The following PPTC7 variants were observed in gnomAD, a reference collection of about 807,000 sequenced individuals.
PPTC7 encodes protein phosphatase PTC7 homolog.
In PPTC7, 6 loss-of-function variants were observed where a neutral mutation model predicts 30.8. That is an observed-to-expected ratio of 0.19 (90% confidence interval 0.11 to 0.38). The LOEUF is 0.38. PPTC7 is among the 10% of genes least tolerant of loss of function. PPTC7 has a pLI of 1.00. For synonymous variants in PPTC7, 163 were observed against 168.1 expected (o/e 0.97, Z 0.23); for missense variants, 218 against 404.8 (o/e 0.54, Z 3.96).
chr12:110,572,965 C>T (rs769397141), intron 1 of PPTC7, among the ~76,000 whole-genome samples: 10 of 152,134 alleles, frequency 6.6e-5, no homozygotes, highest in African/African-American at 1.7e-4. Context: ...CCGCAACCTC[C>T]GCCTCCCGGG....
Position 110,545,967 on chromosome 12 carries a change from C to T in PPTC7, c.515G>A (p.Arg172Gln), listed in dbSNP as rs1345218423. 3.7e-6 allele frequency: 6 copies of T among 1,614,064 alleles called. No individual in the cohort carries two copies. The highest frequency in any genetic ancestry group is 2.2e-5 in the South Asian group (2 of 91,080). The change falls in exon 3 of 6, where the codon CGA becomes CAA. Residue 172 changes from arginine to glutamine, a missense_variant. By Grantham distance (43) the Arg-to-Gln change is conservative. Transcript: ENST00000354300. ...LVVRGGEVVH[R>Q]SDEQQHYFNT... is the part of the protein sequence containing the mutation. ...GAAGTAATGCTGCTGCTCATCTGAT[C>T]GGTGCACGACTTCACCACCCCTGAC...
At chr12:110,573,309 A>G (rs2064555497) in intron 1 of PPTC7, among the ~76,000 whole-genome samples, 1 of 152,242 alleles carries the variant, frequency 6.6e-6, no homozygotes, top group Admixed American at 6.5e-5. Flanking sequence ...TATTTATAAC[A>G]GAAAATTGGA....
chr12:110,538,615 C>G (rs1010887973), intron 4 of PPTC7, among the ~76,000 whole-genome samples: 2 of 152,210 alleles, frequency 1.3e-5, no homozygotes, highest in African/African-American at 4.8e-5. Context: ...GGAACACAGC[C>G]TGGCCAACCC....
At chr12:110,551,438 C>T (rs190505664) in intron 2 of PPTC7, among the ~76,000 whole-genome samples, 7 of 152,302 alleles carry the variant, frequency 4.6e-5, no homozygotes, top group South Asian at 2.1e-4. Flanking sequence ...ATCCACCTCC[C>T]GGGGTTCAAG....
intron 1 of PPTC7, among the ~76,000 whole-genome samples, chr12:110,558,583 T>C (rs368441380): frequency 2.5e-4 from 38 of 152,382 alleles, no homozygotes; most frequent in African/African-American, 8.9e-4. Context: ...GAGCAAAAGA[T>C]TGAGAAGAGA....
At chr12:110,578,287 A>C (rs1222499674) in intron 1 of PPTC7, among the ~76,000 whole-genome samples, 3 of 152,206 alleles carry the variant, frequency 2.0e-5, no homozygotes, top group Non-Finnish European at 4.4e-5. Context: ...GCACCTAGGA[A>C]GCCATGCCAC....
At chr12:110,558,904 G>T (rs2064412508) in intron 1 of PPTC7, among the ~76,000 whole-genome samples, 1 of 152,048 alleles carries the variant, frequency 6.6e-6, no homozygotes, top group Non-Finnish European at 1.5e-5. Flanking sequence ...CCGTGCCCAG[G>T]CTAGTTTTAT....
At chr12:110,537,918 C>A (rs571141856) in intron 5 of PPTC7, among the ~76,000 whole-genome samples, 1 of 152,312 alleles carries the variant, frequency 6.6e-6, no homozygotes, top group South Asian at 2.1e-4. Flanking sequence ...TCAGGTTCCA[C>A]CTGCCTCTGC....
intron 1 of PPTC7, among the ~76,000 whole-genome samples, chr12:110,578,643 G>C (rs1199599361): frequency 2.0e-5 from 3 of 152,174 alleles, no homozygotes; most frequent in Admixed American, 1.3e-4. Context: ...CAGTCAAGGA[G>C]TCCTAGATGA....
At chr12:110,556,078 C>T (rs773683235) in intron 1 of PPTC7, among the ~76,000 whole-genome samples, 3 of 152,216 alleles carry the variant, frequency 2.0e-5, no homozygotes, top group African/African-American at 4.8e-5. Flanking sequence ...TCTAAGATAA[C>T]GTTTAGAGTT....
At chr12:110,542,015 G>A (rs748356363) in intron 3 of PPTC7, among the ~76,000 whole-genome samples, 3 of 151,500 alleles carry the variant, frequency 2.0e-5, no homozygotes, top group Non-Finnish European at 4.4e-5. Flanking sequence ...GCATGGTGGC[G>A]TGCGCCTATA....
chr12:110,564,456 T>A (rs1473339348), intron 1 of PPTC7, among the ~76,000 whole-genome samples: 1 of 152,196 alleles, frequency 6.6e-6, no homozygotes, highest in African/African-American at 2.4e-5. Context: ...GAGAAGATTT[T>A]CCTTCTGTTT....
intron 1 of PPTC7, among the ~76,000 whole-genome samples, chr12:110,581,293 A>G (rs2064635125): frequency 6.6e-6 from 1 of 152,120 alleles, no homozygotes; most frequent in Admixed American, 6.5e-5. Context: ...GGGCGCCTAT[A>G]ATCCCAGCTA....
intron 1 of PPTC7, among the ~76,000 whole-genome samples, chr12:110,578,573 A>G (rs1266749506): frequency 6.6e-6 from 1 of 152,212 alleles, no homozygotes; most frequent in African/African-American, 2.4e-5. Context: ...TCAATTTTAA[A>G]TTAAAGAAAC....
chr12:110,571,021 G>A (rs1417467095), intron 1 of PPTC7, among the ~76,000 whole-genome samples: 11 of 152,288 alleles, frequency 7.2e-5, no homozygotes, highest in Non-Finnish European at 1.0e-4. Context: ...CGCCCAACGT[G>A]GGGCTTTTCT....
intron 3 of PPTC7, among the ~76,000 whole-genome samples, chr12:110,542,208 T>C (rs2064266351): frequency 6.6e-6 from 1 of 151,660 alleles, no homozygotes; most frequent in Admixed American, 6.6e-5. Context: ...CAGCAAAATA[T>C]TTGACTCTCC....
chr12:110,549,283 C>T (rs2064333811), intron 2 of PPTC7, among the ~76,000 whole-genome samples: 1 of 152,014 alleles, frequency 6.6e-6, no homozygotes, highest in Non-Finnish European at 1.5e-5. Context: ...GACCCAAACG[C>T]AGCTAGAAAG....
At chr12:110,554,459 G>A (rs1419649447) in intron 1 of PPTC7, among the ~76,000 whole-genome samples, 8 of 152,132 alleles carry the variant, frequency 5.3e-5, no homozygotes, top group African/African-American at 1.2e-4. Flanking sequence ...GATTACAGGC[G>A]TGAGCCACCA....
intron 1 of PPTC7, among the ~76,000 whole-genome samples, chr12:110,559,482 T>C (rs1334136741): frequency 1.3e-5 from 2 of 151,546 alleles, no homozygotes; most frequent in Admixed American, 6.6e-5. Context: ...TCCCAGCACT[T>C]TGGGAGGCCG....
Sources: gnomAD v4.1 joint callset for allele counts (sites outside exome capture counted in the v4.1 genomes callset) on GRCh38, gnomAD v4.1.1 for gene constraint, MANE v1.5 for transcripts, NCBI Gene and HGNC (gene_info 2026-07-23, HGNC 2026-07-21) for gene names.